The following CDHR2 variants were observed in gnomAD, a reference collection of about 807,000 sequenced individuals.
The protein encoded by CDHR2 is cadherin related family member 2.
CDHR2 carries 104 observed loss-of-function variants against 138.6 expected under a neutral mutation model. The observed-to-expected ratio is 0.75, with a 90% CI of 0.64 to 0.88. CDHR2 has a LOEUF of 0.88. Ranked by LOEUF, CDHR2 falls within the 40% of genes least tolerant of loss-of-function variation. CDHR2 has a pLI of 0.00. For missense variants in CDHR2, 1,624 were observed against 1,727.6 expected (o/e 0.94, Z 1.06); for synonymous variants, 755 against 742.8 (o/e 1.02, Z -0.27).
At chr5:176,579,856 C>T (rs549501694) in intron 16 of CDHR2, among the ~76,000 whole-genome samples, 5 of 152,264 alleles carry the variant, frequency 3.3e-5, no homozygotes, top group Admixed American at 3.3e-4. Context: ...CACCACCATT[C>T]CTGCCCCCCA....
intron 1 of CDHR2, among the ~76,000 whole-genome samples, chr5:176,556,393 G>A (rs34348892): frequency 0.31 from 46,855 of 151,924 alleles, 7,967 homozygotes; most frequent in East Asian, 0.49. Flanking sequence ...CAGGCCGGGC[G>A]CGGTGGCTCA....
intron 21 of CDHR2, among the ~76,000 whole-genome samples, 183 bp from the exon 22 acceptor site, chr5:176,588,848 T>G (rs1224289918): frequency 6.6e-6 from 1 of 152,128 alleles, no homozygotes; most frequent in Non-Finnish European, 1.5e-5. Flanking sequence ...CTTGTCCAAA[T>G]CTGGATTTGC....
chr5:176,573,467 C>T (rs1197674535), intron 6 of CDHR2, among the ~76,000 whole-genome samples: 1 of 149,960 alleles, frequency 6.7e-6, no homozygotes, highest in Non-Finnish European at 1.5e-5. Flanking sequence ...CGGTGAAACC[C>T]TGTCTCTATT....
At chr5:176,574,323 C>A (rs1244540212) in intron 7 of CDHR2, 151 bp downstream of exon 7, 5 of 639,232 alleles carry the variant, frequency 7.8e-6, no homozygotes, top group African/African-American at 1.8e-5. Flanking sequence ...CACCAGCCCC[C>A]CTCCCCGGAA....
At chr5:176,563,413 C>A (rs1000334272) in intron 1 of CDHR2, among the ~76,000 whole-genome samples, 28 of 152,138 alleles carry the variant, frequency 1.8e-4, no homozygotes, top group African/African-American at 6.3e-4. Context: ...TCGTCAGCAG[C>A]TGTGAACTGG....
chr5:176,579,710 G>A (rs1561876462), intron 16 of CDHR2, among the ~76,000 whole-genome samples: 1 of 152,196 alleles, frequency 6.6e-6, no homozygotes, highest in Non-Finnish European at 1.5e-5. Flanking sequence ...ATGAAATGGA[G>A]GAGCTGAAGG....
chr5:176,573,212 C>T (rs929410249), intron 6 of CDHR2, among the ~76,000 whole-genome samples: 2 of 151,314 alleles, frequency 1.3e-5, no homozygotes, highest in South Asian at 2.1e-4. Context: ...GTCAGAGAGG[C>T]GAGTGGCAGC....
At chr5:176,580,146 T>TCACACACA (rs112291493) in intron 16 of CDHR2, among the ~76,000 whole-genome samples, 44 of 149,906 alleles carry the variant, frequency 2.9e-4, no homozygotes, top group African/African-American at 7.6e-4. Context: ...ACACACGCAC[T>TCACACACA]CACACACACA....
chr5:176,588,654 A>AGT (rs1237528976), intron 21 of CDHR2, among the ~76,000 whole-genome samples: 5 of 141,046 alleles, frequency 3.5e-5, no homozygotes, highest in African/African-American at 8.1e-5. Context: ...TGAGTGGGAC[A>AGT]GTGTGTGAGA....
At chr5:176,571,072 C>T (rs1758217218) in intron 5 of CDHR2, 141 bp from the exon 6 acceptor site, 1 of 351,188 alleles carries the variant, frequency 2.8e-6, no homozygotes, top group African/African-American at 2.4e-5. Context: ...AAAAAAAGCC[C>T]CCAAAAACAT....
At chr5:176,551,424 C>T (rs901528656) in intron 1 of CDHR2, among the ~76,000 whole-genome samples, 6 of 152,158 alleles carry the variant, frequency 3.9e-5, no homozygotes, top group Admixed American at 1.3e-4. Context: ...CAGTAGTGGC[C>T]GGAGGGCTTG....
intron 20 of CDHR2, 31 bp downstream of exon 20, chr5:176,586,056 C>T (rs747398202): frequency 4.4e-6 from 7 of 1,587,494 alleles, no homozygotes; most frequent in African/African-American, 2.7e-5. Context: ...CACACCATAC[C>T]CCTGCTCCAT....
chr5:176,574,231 G>A (rs1293986753), intron 7 of CDHR2, 59 bp downstream of exon 7: 2 of 1,296,384 alleles, frequency 1.5e-6, no homozygotes, highest in East Asian at 2.3e-5. Flanking sequence ...CATCTCCACA[G>A]ACAACCCACA....
rs147485475 is a variant in CDHR2 at position 176,584,567 on chromosome 5, G to A, written c.2286G>A (p.Pro762=). The change falls in exon 19 of 32, where the codon CCG becomes CCA. Residue 762 remains proline, a synonymous_variant. Coordinates refer to ENST00000261944, the MANE Select transcript of CDHR2 (RefSeq NM_017675.6). The part of the protein sequence containing the change: ...GWAEGYLRLP[P]DVSLDYETQP... ...CTGAGGGCTACCTCCGGCTGCCCCC[G>A]GACGTGAGCCTGGATTACGAGACAC... The A allele has an allele frequency of 1.5e-4, 249 of 1,611,034 alleles. 1 individual carries two copies. Among genetic ancestry groups the A allele is most frequent in the South Asian group, 2.2e-4 (20 of 90,678 alleles).
intron 16 of CDHR2, among the ~76,000 whole-genome samples, chr5:176,580,564 A>G (rs1423907676): frequency 6.6e-6 from 1 of 151,672 alleles, no homozygotes; most frequent in African/African-American, 2.4e-5. Flanking sequence ...AAGAAAAAAA[A>G]GAAAACAAAA....
rs1235036277 is a variant in CDHR2 at position 176,577,651 on chromosome 5, C to T, written c.1365C>T (p.Asp455=). Residue 455 remains aspartate, a synonymous_variant, in exon 14 of 32, where the codon GAC becomes GAT. Transcript: ENST00000261944. ...CCTGCCCCCAGGTTGTGGCCACAGA[C>T]TCCGTCAGCCAGAACTTCTCCGTCG... ...TAMAVQVVAT[D]SVSQNFSVAM... 6.2e-7 allele frequency: 1 copy of T among 1,614,118 alleles called. No individual in the cohort carries two copies. The highest frequency in any genetic ancestry group is 1.3e-5 in the African/African-American group (1 of 74,952).
At chr5:176,588,549 ATG>A (rs1268890867) in intron 21 of CDHR2, among the ~76,000 whole-genome samples, 11 of 132,112 alleles carry the variant, frequency 8.3e-5, no homozygotes, top group East Asian at 2.4e-4. Context: ...GAGTGAGTGT[ATG>A]TGTGAGTGGG....
At position 176,595,518 on chromosome 5, in the gene CDHR2, C is replaced by G. The variant is rs1163354316; in HGVS notation, c.3793-14C>G. On this transcript the variant is annotated splice_polypyrimidine_tract_variant and intron_variant, in intron 31 of 31. Coordinates refer to ENST00000261944, the MANE Select transcript of CDHR2 (RefSeq NM_017675.6). Reference sequence around the variant, plus strand: ...TTGCCTTGCCCTTCACACCTCCTCTCCCTCTCCCTGCAGGAGCACAGGCCA... The same window carrying G: ...TTGCCTTGCCCTTCACACCTCCTCTGCCTCTCCCTGCAGGAGCACAGGCCA... 1 of 1,583,368 alleles carries G rather than the reference C, an allele frequency of 6.3e-7. No homozygotes were observed. Among genetic ancestry groups the G allele is most frequent in the South Asian group, 1.1e-5 (1 of 87,194 alleles).
At position 176,570,552 on chromosome 5, in the gene CDHR2, GCCCAGGCTGGTCTTGAACT is replaced by G. The variant is rs566080804; in HGVS notation, c.316-658_316-640del. Among the ~76,000 whole-genome samples the G allele has an allele frequency of 1.0e-3, 159 of 152,278 alleles. 1 individual carries two copies. The highest frequency in any genetic ancestry group is 3.7e-3 in the African/African-American group (155 of 41,546). On this transcript the variant is annotated intron_variant, in intron 5 of 31. Coordinates refer to ENST00000261944, the MANE Select transcript of CDHR2 (RefSeq NM_017675.6). ...TGTAGAGACAGAGTCTCACCATATT[GCCCAGGCTGGTCTTGAACT>G]CCTGGGCTCAAGCGATCCTCCCATC...
Sources: gnomAD v4.1 joint callset for allele counts (sites outside exome capture counted in the v4.1 genomes callset) on GRCh38, gnomAD v4.1.1 for gene constraint, MANE v1.5 for transcripts, NCBI Gene and HGNC (gene_info 2026-07-23, HGNC 2026-07-21) for gene names.